Variants in ZNF782 observed in about 807,000 individuals in gnomAD.
ZNF782 encodes zinc finger protein 782.
In ZNF782, 12 loss-of-function variants were observed where a neutral mutation model predicts 13.0. That is an observed-to-expected ratio of 0.92 (90% CI 0.59 to 1.50). The LOEUF is 1.50. ZNF782 is among the 40% of genes most tolerant of loss of function. The pLI is 0.00. For missense variants in ZNF782, 770 were observed against 822.9 expected (o/e 0.94, Z 0.79); for synonymous variants, 284 against 283.0 (o/e 1.00, Z -0.04).
At chr9:96,846,377 C>G (rs1359130835) in intron 3 of ZNF782, among the ~76,000 whole-genome samples, 1 of 152,060 alleles carries the variant, frequency 6.6e-6, no homozygotes, top group Non-Finnish European at 1.5e-5. Context: ...AAATGCTCCA[C>G]TTAAAAGATA....
At position 96,818,214 on chromosome 9, in the gene ZNF782, T is replaced by C. The variant is rs1850242838; in HGVS notation, c.1809A>G (p.Ser603=). Residue 603 remains serine (S), a synonymous_variant, in exon 6 of 6, where the codon TCA becomes TCG. Transcript: ENST00000481138. Reference sequence around the variant, plus strand: ...GAGTTCTCTGATGCCCTCTGAGATTTGATTTCTGCCTGAATGTTTTTCCAC... The same window carrying C: ...GAGTTCTCTGATGCCCTCTGAGATTCGATTTCTGCCTGAATGTTTTTCCAC... ...EECGKTFRQK[S]NLRGHQRTHT... 6.2e-7 allele frequency: 1 copy of C among 1,613,942 alleles called. No individual in the cohort carries two copies. The highest frequency in any genetic ancestry group is 1.3e-5 in the African/African-American group (1 of 74,884).
intron 5 of ZNF782, among the ~76,000 whole-genome samples, chr9:96,820,761 G>T (rs7873868): frequency 0.041 from 6,201 of 152,114 alleles, 362 homozygotes; most frequent in African/African-American, 0.13. Context: ...TGTTGGCCAG[G>T]CTGGTCTCGA....
At chr9:96,932,978 CT>C in the ZNF782 span, among the ~76,000 whole-genome samples, 751 of 129,386 alleles carry the variant, frequency 5.8e-3, 1 homozygote, top group African/African-American at 0.016. Flanking sequence ...CTTTTCTTTT[CT>C]TTTTTTTTTT....
the ZNF782 span, chr9:96,887,308 AGG>A: frequency 6.8e-6 from 1 of 146,362 alleles, no homozygotes; most frequent in Non-Finnish European, 1.5e-5. Flanking sequence ...GAAGGAAGGA[AGG>A]AAGGAAGGAA....
chr9:96,859,328 C>T (rs974014152), upstream of ZNF782, among the ~76,000 whole-genome samples: 3 of 152,140 alleles, frequency 2.0e-5, no homozygotes, highest in Non-Finnish European at 4.4e-5. Flanking sequence ...CACCCCTCCT[C>T]CAACCCTAGA....
At chr9:96,902,730 TAA>T in the ZNF782 span, among the ~76,000 whole-genome samples, 1 of 145,400 alleles carries the variant, frequency 6.9e-6, no homozygotes, top group Admixed American at 6.9e-5. Flanking sequence ...ATTTTAATTT[TAA>T]GTTAGCCTAC....
intron 1 of ZNF782, among the ~76,000 whole-genome samples, chr9:96,864,873 G>C (rs368852291): frequency 9.6e-5 from 5 of 52,354 alleles, no homozygotes; most frequent in Non-Finnish European, 1.5e-4. Flanking sequence ...TCCACAAAAA[G>C]AACTAAAAAA....
upstream of ZNF782, among the ~76,000 whole-genome samples, chr9:96,877,693 G>A (rs537636790): frequency 3.9e-5 from 6 of 152,310 alleles, no homozygotes; most frequent in African/African-American, 1.2e-4. Context: ...GCAAAGTCCC[G>A]GGACAGCGGG....
At chr9:96,826,371 G>A (rs1283439189) in intron 5 of ZNF782, among the ~76,000 whole-genome samples, 1 of 151,918 alleles carries the variant, frequency 6.6e-6, no homozygotes, top group Non-Finnish European at 1.5e-5. Flanking sequence ...GACACAGGAA[G>A]GGGAACATCA....
At chr9:96,853,878 A>G (rs1851578920) in intron 1 of ZNF782, among the ~76,000 whole-genome samples, 1 of 152,244 alleles carries the variant, frequency 6.6e-6, no homozygotes, top group Admixed American at 6.5e-5. Context: ...CAACGAATGG[A>G]ACAAAGTGTC....
At chr9:96,819,800 A>G in intron 5 of ZNF782, 22 bp from the exon 6 acceptor site, 1 of 1,525,980 alleles carries the variant, frequency 6.6e-7, no homozygotes, top group African/African-American at 1.4e-5. Flanking sequence ...AAAATTAAAC[A>G]AACTTTATGA....
In ZNF782 at chr9:96,819,692, A is replaced by G. The variant is rs1317048254; in HGVS notation, c.331T>C (p.Leu111=). 15 of 1,612,536 alleles carry G rather than the reference A, an allele frequency of 9.3e-6. No individual in the cohort carries two copies. Among genetic ancestry groups the G allele is most frequent in the Admixed American group, 1.7e-5 (1 of 59,686 alleles). ...LLQVLFTNKL[L]TTEQEISGKP... ...CCTGAAATTTCTTGCTCTGTAGTCA[A>G]TAATTTATTGGTGAATAAAACTTGC... is the stretch of plus-strand genomic sequence containing the variant. The change falls in exon 6 of 6, where the codon TTG becomes CTG. Residue 111 remains leucine (L), a synonymous_variant. Transcript: ENST00000481138.
At chr9:96,919,119 C>A in the ZNF782 span, 6 of 166,838 alleles carry the variant, frequency 3.6e-5, no homozygotes, top group African/African-American at 1.5e-4. Context: ...AAAAATTTTC[C>A]AAAAAATCAA....
the ZNF782 span, among the ~76,000 whole-genome samples, chr9:96,925,925 C>T: frequency 7.0e-6 from 1 of 142,618 alleles, no homozygotes; most frequent in East Asian, 2.2e-4. Context: ...GATGATGTTT[C>T]TCAGCAGTCA....
the ZNF782 span, among the ~76,000 whole-genome samples, chr9:96,882,753 T>TA: frequency 4.6e-3 from 708 of 152,336 alleles, 8 homozygotes; most frequent in African/African-American, 0.016. Context: ...CGTCTTATTG[T>TA]AAAATGTCAA....
intron 5 of ZNF782, among the ~76,000 whole-genome samples, chr9:96,825,322 A>G (rs1236987925): frequency 6.7e-6 from 1 of 148,916 alleles, no homozygotes; most frequent in African/African-American, 2.5e-5. Flanking sequence ...TCCCTATTTA[A>G]TAAATGGTGC....
the ZNF782 span, among the ~76,000 whole-genome samples, chr9:96,902,072 C>T: frequency 0.062 from 9,357 of 151,898 alleles, 658 homozygotes; most frequent in East Asian, 0.34. Context: ...AAGTGTGGCA[C>T]AGGCAACCCT....
At chr9:96,836,843 C>T (rs1230617728) in intron 4 of ZNF782, among the ~76,000 whole-genome samples, 3 of 152,016 alleles carry the variant, frequency 2.0e-5, no homozygotes, top group African/African-American at 7.3e-5. Flanking sequence ...CTTGTGAGAA[C>T]GGGTTGTTAA....
Position 96,844,960 on chromosome 9 carries a change from G to C in ZNF782, c.72C>G (p.His24Gln). The C allele has an allele frequency of 6.2e-7, 1 of 1,613,996 alleles. No homozygotes were observed. Among genetic ancestry groups the C allele is most frequent in the South Asian group, 1.1e-5 (1 of 91,082 alleles). Residue 24 changes from histidine to glutamine, a missense_variant, in exon 4 of 6, where the codon CAC (histidine) becomes CAG (glutamine). Physicochemically the swap from His to Gln is conservative, Grantham distance 24. Coordinates refer to ENST00000481138, the MANE Select transcript of ZNF782 (RefSeq NM_001001662.3). Reference sequence around the variant, plus strand: ...ACAGGGTCCTCTCAACAGGGCCCATGTGCTGCCACTCCTCCTGGCTGAATT... The same window carrying C: ...ACAGGGTCCTCTCAACAGGGCCCATCTGCTGCCACTCCTCCTGGCTGAATT... ...TVEFSQEEWQ[H>Q]MGPVERTLYR...
Sources: allele counts gnomAD v4.1 joint callset (sites outside exome capture counted in the v4.1 genomes callset), GRCh38; gene constraint gnomAD v4.1.1; transcripts MANE v1.5; gene names NCBI Gene and HGNC (gene_info 2026-07-23, HGNC 2026-07-21).